The following HPF1 variants were observed in gnomAD, a reference collection of about 807,000 sequenced individuals.
HPF1 encodes the protein histone PARylation factor 1.
Under a neutral mutation model 38.8 loss-of-function variants are expected in HPF1, and 35 were observed. The ratio of observed to expected loss-of-function variants is 0.90; its 90% CI spans 0.69 to 1.19. The LOEUF (loss-of-function observed/expected upper bound fraction) is 1.19, where lower values mean the gene tolerates loss of function less well. Among genes scored for constraint, HPF1 ranks in the 50% most tolerant of loss-of-function variants. The probability of loss-of-function intolerance (pLI) is 0.00; values close to 1 mark genes in which losing one functional copy is unlikely to be tolerated. For missense variants in HPF1, 367 were observed against 405.8 expected, an observed-to-expected ratio of 0.90 and a Z score of 0.82; for synonymous variants, 115 against 139.2, an observed-to-expected ratio of 0.83 and a Z score of 1.22.
intron 2 of HPF1, among the ~76,000 whole-genome samples, chr4:169,752,741 C>T (rs1265777056): frequency 1.3e-5 from 2 of 152,082 alleles, no homozygotes; most frequent in Non-Finnish European, 2.9e-5. Context: ...GCATTTAAGC[C>T]ATTTCCCATT....
intron 1 of HPF1, 25 bp from the exon 2 acceptor site, chr4:169,753,860 G>A (rs544388773): frequency 6.3e-7 from 1 of 1,592,414 alleles, no homozygotes; most frequent in South Asian, 1.1e-5. Context: ...ACAAACTTTA[G>A]TTCTCCAAAT....
At position 169,733,782 on chromosome 4, in the gene HPF1, G is replaced by A. The variant is rs1310634521; in HGVS notation, c.737-1906C>T. On this transcript the variant is annotated intron_variant, in intron 6 of 7. Transcript: ENST00000393381. ...TTGGTGGTGGACACCTGTAGTCCCA[G>A]CTACTTGGGAGGCTGAGGTGGGAGG... Among the ~76,000 whole-genome samples the A allele has an allele frequency of 2.0e-5, 3 of 151,798 alleles. No homozygotes were observed. In the East Asian group the frequency reaches 5.8e-4, roughly 29 times the overall value.
intron 4 of HPF1, among the ~76,000 whole-genome samples, chr4:169,747,730 T>C (rs1734067446): frequency 6.6e-6 from 1 of 152,168 alleles, no homozygotes; most frequent in Non-Finnish European, 1.5e-5. Flanking sequence ...ACATGGGACC[T>C]ATCTTCTTCC....
rs142658515 is a variant in HPF1, at chr4:169,729,866, C to T, written c.910-157G>A. ...TTAGTGAACATAATTTAAGGACAGGCGCCTGGCATTCTAAGAGGCAGTCTT... is the reference window on the plus strand; with the variant it reads ...TTAGTGAACATAATTTAAGGACAGGTGCCTGGCATTCTAAGAGGCAGTCTT... On this transcript the variant is annotated intron_variant, in intron 7 of 7. Coordinates refer to ENST00000393381, the MANE Select transcript of HPF1 (RefSeq NM_017867.3). 2.8e-3 allele frequency among the ~76,000 whole-genome samples: 424 copies of T among 152,218 alleles called. 2 individuals are homozygous for T. Among genetic ancestry groups the T allele is most frequent in the Middle Eastern group, 6.8e-3 (2 of 294 alleles).
At chr4:169,746,233 A>G (rs1177348039) in intron 4 of HPF1, among the ~76,000 whole-genome samples, 1 of 152,106 alleles carries the variant, frequency 6.6e-6, no homozygotes, top group Non-Finnish European at 1.5e-5. Flanking sequence ...TATGTTGCCA[A>G]TTTTTCATTT....
intron 1 of HPF1, among the ~76,000 whole-genome samples, chr4:169,754,733 C>T (rs1734163238): frequency 6.6e-6 from 1 of 152,056 alleles, no homozygotes; most frequent in African/African-American, 2.4e-5. Context: ...CCCCAGGGGA[C>T]ATTTGGAGAC....
chr4:169,734,943 T>C (rs1245072423), intron 6 of HPF1, among the ~76,000 whole-genome samples: 2 of 152,012 alleles, frequency 1.3e-5, no homozygotes, highest in African/African-American at 4.8e-5. Context: ...CTGATCAACA[T>C]GGTTGAAACC....
At chr4:169,730,673 G>A (rs1340685561) in intron 7 of HPF1, among the ~76,000 whole-genome samples, 3 of 152,170 alleles carry the variant, frequency 2.0e-5, no homozygotes, top group East Asian at 3.9e-4. Flanking sequence ...TCCCATTGAC[G>A]CTGATGCACG....
chr4:169,750,245 G>A (rs770978946), intron 3 of HPF1, among the ~76,000 whole-genome samples: 2 of 152,128 alleles, frequency 1.3e-5, no homozygotes, highest in Non-Finnish European at 2.9e-5. Flanking sequence ...TCTGGCACAC[G>A]GCTTATTAAG....
At chr4:169,753,579 C>T in intron 2 of HPF1, 97 bp downstream of exon 2, 2 of 1,021,102 alleles carry the variant, frequency 2.0e-6, no homozygotes, top group Admixed American at 2.6e-5. Context: ...ATCCTCCTGC[C>T]TCAGCTGGGA....
intron 6 of HPF1, among the ~76,000 whole-genome samples, chr4:169,732,850 T>C (rs1240861829): frequency 6.6e-6 from 1 of 152,212 alleles, no homozygotes; most frequent in Non-Finnish European, 1.5e-5. Context: ...ATATTAGGTA[T>C]TCTAAGTAAT....
intron 6 of HPF1, among the ~76,000 whole-genome samples, chr4:169,733,941 T>G (rs1462648456): frequency 6.6e-6 from 1 of 151,634 alleles, no homozygotes; most frequent in Non-Finnish European, 1.5e-5. Context: ...AAAAATATAC[T>G]ATATACTAGT....
intron 6 of HPF1, among the ~76,000 whole-genome samples, chr4:169,734,171 T>C (rs1171881211): frequency 1.3e-5 from 2 of 152,184 alleles, no homozygotes; most frequent in South Asian, 4.1e-4. Context: ...ATTAAATTAT[T>C]TTACATGAGC....
chr4:169,749,586 G>A (rs1025249082), intron 3 of HPF1, among the ~76,000 whole-genome samples: 2 of 151,788 alleles, frequency 1.3e-5, no homozygotes, highest in South Asian at 2.1e-4. Flanking sequence ...TTTTTTATAA[G>A]GGCATTTTTA....
At chr4:169,740,598 T>A (rs1733956420) in intron 5 of HPF1, among the ~76,000 whole-genome samples, 1 of 152,226 alleles carries the variant, frequency 6.6e-6, no homozygotes, top group African/African-American at 2.4e-5. Context: ...CAACCTTGCA[T>A]TTAACAGAAA....
chr4:169,754,391 T>C (rs771969625), intron 1 of HPF1, among the ~76,000 whole-genome samples: 3 of 152,140 alleles, frequency 2.0e-5, no homozygotes, highest in Non-Finnish European at 4.4e-5. Flanking sequence ...CTATAGTTCC[T>C]AATAAAGTTA....
chr4:169,757,698 C>T, intron 1 of HPF1, 132 bp downstream of exon 1: 1 of 915,184 alleles, frequency 1.1e-6, no homozygotes. Context: ...GGCAGGATCC[C>T]CGCAGCAAAC....
At chr4:169,742,644 T>C (rs1733988593) in intron 4 of HPF1, among the ~76,000 whole-genome samples, 1 of 152,116 alleles carries the variant, frequency 6.6e-6, no homozygotes, top group South Asian at 2.1e-4. Flanking sequence ...TACAAAAAAT[T>C]AGCCGGGCGT....
chr4:169,751,114 G>GT (rs1378893623), intron 2 of HPF1, among the ~76,000 whole-genome samples: 1 of 152,064 alleles, frequency 6.6e-6, no homozygotes, highest in Non-Finnish European at 1.5e-5. Context: ...ATTAAGAGTA[G>GT]TAAAAAACAG....
Sources: gnomAD v4.1 joint callset for allele counts (sites outside exome capture counted in the v4.1 genomes callset) on GRCh38, gnomAD v4.1.1 for gene constraint, MANE v1.5 for transcripts, NCBI Gene and HGNC (gene_info 2026-07-23, HGNC 2026-07-21) for gene names.